PDE4D: variants seen among roughly 807,000 people sequenced by gnomAD.
PDE4D encodes 3',5'-cyclic-AMP phosphodiesterase 4D.
Under a neutral mutation model 87.4 loss-of-function variants are expected in PDE4D, and 24 were observed. The ratio of observed to expected loss-of-function variants is 0.27; its 90% CI spans 0.20 to 0.39. The LOEUF is 0.39. Ranked by LOEUF, PDE4D falls within the 10% of genes least tolerant of loss-of-function variation. The probability of loss-of-function intolerance (pLI) is 1.00; values close to 1 mark genes in which losing one functional copy is unlikely to be tolerated. For missense variants in PDE4D, 714 were observed against 1,041.0 expected, an observed-to-expected ratio of 0.69 and a Z score of 4.32; for synonymous variants, 384 against 383.2, an observed-to-expected ratio of 1.00 and a Z score of -0.02.
At chr5:59,479,613 TAGAGATCATCACATGTATC>T (rs1466378101) in intron 1 of PDE4D, among the ~76,000 whole-genome samples, 8 of 74,564 alleles carry the variant, frequency 1.1e-4, no homozygotes, top group Non-Finnish European at 2.1e-4. Context: ...ACAAACAGAA[TAGAGATCATCACATGTATC>T]AGAGATCATC....
rs1156467369 is a variant in PDE4D, at chr5:59,649,905, C to CTTTTT, written c.455+243258_455+243262dup. Among the ~76,000 whole-genome samples, 470 of 72,438 alleles carry CTTTTT rather than the reference C, an allele frequency of 6.5e-3. 65 individuals are homozygous for CTTTTT. Among genetic ancestry groups the CTTTTT allele is most frequent in the Non-Finnish European group, 8.8e-3 (369 of 42,166 alleles). The allele number at this position is 72,438 out of a possible 152,430, so 47.5% of individuals were successfully genotyped here. A position where few individuals can be genotyped will look rare whatever the true frequency, so the allele number is the denominator to read the frequency against. ...GTTAAAATGTTGATAGTTTGTGAAC[C>CTTTTT]TTTTTTTTTTTTTTTTTTTTTTTTT... On this transcript the variant is annotated intron_variant, in intron 1 of 14. Transcript: ENST00000340635.
In PDE4D at chr5:59,171,278, C is replaced by T. The variant is rs532647770; in HGVS notation, c.808+9317G>A. ...CTCTGAAGAGTTGTGAACCCATTCC[C>T]TCATCTCCACAGCCCCACTTCCACC... On this transcript the variant is annotated intron_variant, in intron 5 of 14. Coordinates refer to ENST00000340635, the MANE Select transcript of PDE4D (RefSeq NM_001104631.2). 4.6e-5 allele frequency among the ~76,000 whole-genome samples: 7 copies of T among 152,304 alleles called. No individual in the cohort carries two copies. In the South Asian group the frequency reaches 1.4e-3, roughly 32 times the overall value.
chr5:59,708,234 T>C (rs186448279), intron 1 of PDE4D, among the ~76,000 whole-genome samples: 210 of 152,204 alleles, frequency 1.4e-3, no homozygotes, highest in African/African-American at 4.9e-3. Context: ...TTTTTCATGT[T>C]TGTTGGCTGC....
chr5:59,696,230 G>A (rs1424319450), intron 1 of PDE4D, among the ~76,000 whole-genome samples: 1 of 152,136 alleles, frequency 6.6e-6, no homozygotes, highest in Non-Finnish European at 1.5e-5. Context: ...ATATAGCCAA[G>A]AATGGTAAAG....
At chr5:59,413,330 G>A (rs1042312198) in intron 1 of PDE4D, among the ~76,000 whole-genome samples, 2 of 151,520 alleles carry the variant, frequency 1.3e-5, no homozygotes, top group Non-Finnish European at 2.9e-5. Flanking sequence ...TAGTGGTGGG[G>A]GCCTGTAGTC....
rs144486069 is a variant in PDE4D at position 60,442,019 on chromosome 5, G to A, written c.-90+45923C>T. On this transcript the variant is annotated intron_variant, in intron 1 of 16. Coordinates refer to the PDE4D transcript ENST00000502484. ...AGTGTAAATTAGTTCAATCATTGTGGAAGACAGTGTGGTGATCCCTCAAGG... is the reference window on the plus strand; with the variant it reads ...AGTGTAAATTAGTTCAATCATTGTGAAAGACAGTGTGGTGATCCCTCAAGG... Among the ~76,000 whole-genome samples, 160 of 152,248 alleles carry A rather than the reference G, an allele frequency of 1.1e-3. 2 individuals are homozygous for A. Among genetic ancestry groups the A allele is most frequent in the African/African-American group, 3.8e-3 (158 of 41,550 alleles).
At chr5:59,496,033 T>C (rs563051200) in intron 1 of PDE4D, among the ~76,000 whole-genome samples, 2 of 152,164 alleles carry the variant, frequency 1.3e-5, no homozygotes, top group Admixed American at 6.5e-5. Context: ...GAGGGAAGAA[T>C]TGAATCACAC....
intron 1 of PDE4D, among the ~76,000 whole-genome samples, chr5:59,678,805 C>G (rs752104604): frequency 6.6e-6 from 1 of 152,126 alleles, no homozygotes. Flanking sequence ...ATTATCAACT[C>G]ATTGACGGTC....
intron 1 of PDE4D, among the ~76,000 whole-genome samples, chr5:59,788,939 A>T (rs945509646): frequency 6.6e-6 from 1 of 152,220 alleles, no homozygotes; most frequent in Admixed American, 6.5e-5. Context: ...AGTAAAAAAT[A>T]CTCAATAATG....
chr5:60,276,325 A>G (rs1751362461), intron 1 of PDE4D, among the ~76,000 whole-genome samples: 1 of 152,218 alleles, frequency 6.6e-6, no homozygotes, highest in Non-Finnish European at 1.5e-5. Flanking sequence ...TATGCATTTA[A>G]GATTGCTAAA....
chr5:59,274,286 G>T (rs1764393673), intron 1 of PDE4D, among the ~76,000 whole-genome samples: 1 of 152,086 alleles, frequency 6.6e-6, no homozygotes, highest in African/African-American at 2.4e-5. Context: ...AAAACTCACA[G>T]AAATACTGCG....
At chr5:59,867,390 A>G (rs1268510532) in intron 1 of PDE4D, among the ~76,000 whole-genome samples, 1 of 152,222 alleles carries the variant, frequency 6.6e-6, no homozygotes, top group Non-Finnish European at 1.5e-5. Context: ...TAAAACTGCA[A>G]TTAGACATTG....
At chr5:58,977,139 T>C (rs1403264386) in intron 12 of PDE4D, 52 bp downstream of exon 12, 2 of 1,520,798 alleles carry the variant, frequency 1.3e-6, no homozygotes, top group African/African-American at 1.4e-5. Context: ...ATGTCTAAAT[T>C]ATAAACAACT....
intron 1 of PDE4D, among the ~76,000 whole-genome samples, chr5:59,491,141 G>T (rs1018898409): frequency 2.6e-5 from 4 of 152,170 alleles, no homozygotes; most frequent in Non-Finnish European, 5.9e-5. Flanking sequence ...CTTGGGAGAT[G>T]ATTATGTATG....
chr5:59,166,907 A>C (rs1027743319), intron 5 of PDE4D, among the ~76,000 whole-genome samples: 1 of 152,214 alleles, frequency 6.6e-6, no homozygotes, highest in Non-Finnish European at 1.5e-5. Flanking sequence ...TCAGGGCTCA[A>C]ATAATTGCAC....
intron 1 of PDE4D, among the ~76,000 whole-genome samples, chr5:60,461,785 A>G (rs759794582): frequency 5.9e-5 from 9 of 152,228 alleles, no homozygotes; most frequent in Non-Finnish European, 1.0e-4. Flanking sequence ...ATACAGTTTA[A>G]GTTTTTGTTT....
At chr5:60,310,425 G>C (rs1235249317) in intron 1 of PDE4D, among the ~76,000 whole-genome samples, 1 of 152,220 alleles carries the variant, frequency 6.6e-6, no homozygotes, top group Non-Finnish European at 1.5e-5. Flanking sequence ...CTCACTTGGA[G>C]AAGGGAAGGT....
At chr5:59,496,236 G>T (rs974796516) in intron 1 of PDE4D, among the ~76,000 whole-genome samples, 1 of 152,118 alleles carries the variant, frequency 6.6e-6, no homozygotes, top group Non-Finnish European at 1.5e-5. Flanking sequence ...CTGTTGGTGT[G>T]CTCTTCCACC....
At chr5:59,955,902 G>A (rs1009971663) in intron 3 of PDE4D, among the ~76,000 whole-genome samples, 1 of 152,040 alleles carries the variant, frequency 6.6e-6, no homozygotes, top group African/African-American at 2.4e-5. Flanking sequence ...ATAATTAAAC[G>A]GCCCTGTATT....
Sources: gnomAD v4.1 joint callset for allele counts (sites outside exome capture counted in the v4.1 genomes callset) on GRCh38, gnomAD v4.1.1 for gene constraint, MANE v1.5 for transcripts, NCBI Gene and HGNC (gene_info 2026-07-23, HGNC 2026-07-21) for gene names.